Variants in TDRD9 observed in about 807,000 individuals in gnomAD.
TDRD9 encodes the protein tudor domain containing 9.
TDRD9 carries 124 observed loss-of-function variants against 172.6 expected under a neutral mutation model. The observed-to-expected ratio is 0.72, with a 90% confidence interval of 0.62 to 0.83. The LOEUF (loss-of-function observed/expected upper bound fraction) is 0.83, where lower values mean the gene tolerates loss of function less well. Among genes scored for constraint, TDRD9 ranks in the 40% least tolerant of loss-of-function variants. The pLI is 0.00. For missense variants in TDRD9, 1,479 were observed against 1,714.1 expected, an observed-to-expected ratio of 0.86 and a Z score of 2.42; for synonymous variants, 619 against 617.1, an observed-to-expected ratio of 1.00 and a Z score of -0.05.
chr14:104,023,366 T>G (rs1347516961), intron 24 of TDRD9, among the ~76,000 whole-genome samples: 1 of 152,180 alleles, frequency 6.6e-6, no homozygotes, highest in African/African-American at 2.4e-5. Flanking sequence ...TTAAGTAATG[T>G]GGAATATTTT....
At chr14:104,035,749 G>T (rs149867173) in intron 32 of TDRD9, among the ~76,000 whole-genome samples, 6 of 152,314 alleles carry the variant, frequency 3.9e-5, no homozygotes, top group African/African-American at 1.4e-4. Flanking sequence ...TGCTGGGCAG[G>T]ATGGAAATGG....
rs960263082 is a variant in TDRD9, at chr14:103,955,748, T to C, written c.300T>C (p.Ser100=). 9 of 1,551,190 alleles carry C rather than the reference T, an allele frequency of 5.8e-6. No homozygotes were observed. The highest frequency in any genetic ancestry group is 7.8e-6 in the Non-Finnish European group (9 of 1,146,844). Reference sequence around the variant, plus strand: ...CACAAGAGCTTGATGTGTGTCGCAGTGTCCAACCAACCAGTGGGCCAGGTA... The same window carrying C: ...CACAAGAGCTTGATGTGTGTCGCAGCGTCCAACCAACCAGTGGGCCAGGTA... ...LEAQELDVCR[S]VQPTSGPGPR... is the part of the protein sequence containing the mutation. Residue 100 remains serine, a synonymous_variant, in exon 2 of 36, where the codon AGT becomes AGC. Transcript: ENST00000409874.
At chr14:103,965,719 C>T (rs566300794) in intron 4 of TDRD9, among the ~76,000 whole-genome samples, 165 bp downstream of exon 4, 2 of 152,170 alleles carry the variant, frequency 1.3e-5, no homozygotes, top group African/African-American at 2.4e-5. Context: ...CCGAGGCAGG[C>T]GGATCACATT....
intron 30 of TDRD9, among the ~76,000 whole-genome samples, chr14:104,033,399 G>A (rs900894458): frequency 1.7e-4 from 26 of 152,194 alleles, no homozygotes; most frequent in Non-Finnish European, 2.6e-4. Context: ...ACCCAGGGTG[G>A]GAATATGGGA....
chr14:103,989,753 G>A (rs1006030770), intron 8 of TDRD9, among the ~76,000 whole-genome samples: 3 of 152,218 alleles, frequency 2.0e-5, no homozygotes, highest in Admixed American at 2.0e-4. Context: ...TCTCAGGAAA[G>A]TGCATGGTGT....
intron 1 of TDRD9, among the ~76,000 whole-genome samples, chr14:103,938,189 G>T (rs1219490887): frequency 6.6e-6 from 1 of 151,904 alleles, no homozygotes; most frequent in African/African-American, 2.4e-5. Flanking sequence ...ATTATTAAAT[G>T]GATTGGGCTG....
chr14:103,975,906 A>C (rs1361999763), intron 7 of TDRD9, among the ~76,000 whole-genome samples: 2 of 152,232 alleles, frequency 1.3e-5, no homozygotes, highest in Admixed American at 6.5e-5. Flanking sequence ...CTAGAACACG[A>C]AAACTGGGCG....
chr14:103,966,659 T>A, intron 4 of TDRD9, 50 bp from the exon 5 acceptor site: 1 of 1,461,980 alleles, frequency 6.8e-7, no homozygotes, highest in Middle Eastern at 1.8e-4. Context: ...AAAATGGACA[T>A]AACTTTTTTT....
chr14:103,989,075 A>G (rs1471840100), intron 8 of TDRD9, among the ~76,000 whole-genome samples: 1 of 129,736 alleles, frequency 7.7e-6, no homozygotes, highest in Non-Finnish European at 1.7e-5. Context: ...TCATTTTTTT[A>G]TCTGGGACAG....
At chr14:103,956,137 TATATATATATATAA>T (rs2032222671) in intron 2 of TDRD9, among the ~76,000 whole-genome samples, 5 of 98,032 alleles carry the variant, frequency 5.1e-5, no homozygotes, top group Non-Finnish European at 9.3e-5. Flanking sequence ...TATATATATA[TATATATATATATAA>T]TTATTAGGCC....
intron 1 of TDRD9, among the ~76,000 whole-genome samples, chr14:103,933,318 C>T (rs1447546725): frequency 6.6e-6 from 1 of 152,212 alleles, no homozygotes; most frequent in Non-Finnish European, 1.5e-5. Flanking sequence ...TCCCAGCTTC[C>T]TTCTGCCTTG....
chr14:103,937,449 C>T (rs891193608), intron 1 of TDRD9, among the ~76,000 whole-genome samples: 4 of 152,284 alleles, frequency 2.6e-5, no homozygotes, highest in Admixed American at 6.5e-5. Flanking sequence ...CTGTGACCTC[C>T]GTAGCTAAAG....
At chr14:103,939,213 A>G (rs1031898134) in intron 1 of TDRD9, among the ~76,000 whole-genome samples, 1 of 152,176 alleles carries the variant, frequency 6.6e-6, no homozygotes, top group Non-Finnish European at 1.5e-5. Flanking sequence ...AATGATTTGC[A>G]TCTCTTCATG....
rs10661391 is a variant in TDRD9, at chr14:104,023,184, C to CAAAAAAA, written c.2606+878_2606+884dup. On this transcript the variant is annotated intron_variant, in intron 24 of 35. Coordinates refer to ENST00000409874, the MANE Select transcript of TDRD9 (RefSeq NM_153046.3). ...TGGGCGACAGAGCGAGACTCCGTCT[C>CAAAAAAA]AAAAAAAAAAAAAAAAAAAAAAAAA... is the stretch of plus-strand genomic sequence containing the variant. Among the ~76,000 whole-genome samples, 45 of 64,454 alleles carry CAAAAAAA rather than the reference C, an allele frequency of 7.0e-4. 3 individuals are homozygous for CAAAAAAA. Among genetic ancestry groups the CAAAAAAA allele is most frequent in the East Asian group, 3.6e-3 (6 of 1,656 alleles). 42.3% of individuals were successfully genotyped at this position (64,454 alleles called of 152,430 possible). A position where few individuals can be genotyped will look rare whatever the true frequency, so the allele number is the denominator to read the frequency against.
At chr14:103,947,227 A>G (rs1201975801) in intron 1 of TDRD9, among the ~76,000 whole-genome samples, 1 of 152,212 alleles carries the variant, frequency 6.6e-6, no homozygotes, top group Non-Finnish European at 1.5e-5. Flanking sequence ...AAACCCTCAC[A>G]TACATGGTCA....
chr14:103,941,014 G>T, intron 1 of TDRD9: 1 of 1,535,378 alleles, frequency 6.5e-7, no homozygotes, highest in Non-Finnish European at 8.7e-7. Flanking sequence ...CCCTCTGTCA[G>T]AGCTGCTTAG....
chr14:103,973,340 G>A (rs990706806), intron 6 of TDRD9, among the ~76,000 whole-genome samples: 1 of 152,080 alleles, frequency 6.6e-6, no homozygotes, highest in African/African-American at 2.4e-5. Context: ...TGTGGGGCAC[G>A]GGCACATGGG....
intron 25 of TDRD9, among the ~76,000 whole-genome samples, chr14:104,025,311 T>C (rs1385969165): frequency 4.6e-5 from 7 of 152,208 alleles, no homozygotes; most frequent in African/African-American, 1.7e-4. Context: ...AGAACCTTTA[T>C]TTATGTAAGA....
rs138730299 is a variant in TDRD9 at position 104,034,056 on chromosome 14, C to T, written c.3606C>T (p.Ser1202=). The T allele has an allele frequency of 5.9e-5, 92 of 1,548,304 alleles. No homozygotes were observed. Among genetic ancestry groups the T allele is most frequent in the Non-Finnish European group, 7.2e-5 (82 of 1,143,894 alleles). ...GAATGCTGGTTGCAGCTTCCCTTTCCATCAATGCGACTGGTAATTTAAAGA... is the reference window on the plus strand; with the variant it reads ...GAATGCTGGTTGCAGCTTCCCTTTCTATCAATGCGACTGGTAATTTAAAGA... ...HQRMLVAASL[S]INATGSTMLL... is the part of the protein sequence containing the mutation. The change falls in exon 31 of 36, where the codon TCC becomes TCT. Residue 1202 remains serine, a synonymous_variant. Transcript: ENST00000409874.
Sources: gnomAD v4.1 joint callset for allele counts (sites outside exome capture counted in the v4.1 genomes callset) on GRCh38, gnomAD v4.1.1 for gene constraint, MANE v1.5 for transcripts, NCBI Gene and HGNC (gene_info 2026-07-23, HGNC 2026-07-21) for gene names.